Variants in SLC47A1 observed in about 807,000 individuals in gnomAD.
SLC47A1 encodes solute carrier family 47 member 1, also known as multidrug and toxin extrusion protein 1.
In SLC47A1, 58 loss-of-function variants were observed where a neutral mutation model predicts 65.8. The ratio of observed to expected loss-of-function variants is 0.88; its 90% CI spans 0.71 to 1.10. The LOEUF (loss-of-function observed/expected upper bound fraction) is 1.10, where lower values mean the gene tolerates loss of function less well. Ranked by LOEUF, SLC47A1 falls within the 50% of genes least tolerant of loss-of-function variation. The probability of loss-of-function intolerance (pLI) is 0.00; values close to 1 mark genes in which losing one functional copy is unlikely to be tolerated. For synonymous variants in SLC47A1, 285 were observed against 295.0 expected (o/e 0.97, Z 0.35); for missense variants, 706 against 719.2 (o/e 0.98, Z 0.21).
intron 3 of SLC47A1, 108 bp downstream of exon 3, chr17:19,546,611 C>T (rs1916297570): frequency 2.0e-6 from 2 of 1,023,336 alleles, no homozygotes; most frequent in Admixed American, 2.1e-5. Flanking sequence ...ACTTGCAGCA[C>T]CTATCAGCCA....
At chr17:19,544,466 C>T (rs1916234243) in intron 2 of SLC47A1, among the ~76,000 whole-genome samples, 1 of 152,194 alleles carries the variant, frequency 6.6e-6, no homozygotes, top group Non-Finnish European at 1.5e-5. Context: ...CCACAGGTTC[C>T]CTGCTGTAGA....
chr17:19,562,889 C>T (rs1460199776), intron 12 of SLC47A1, among the ~76,000 whole-genome samples: 6 of 152,058 alleles, frequency 3.9e-5, no homozygotes, highest in Non-Finnish European at 7.4e-5. Context: ...AGAGATGAAC[C>T]TCTACCTAAC....
intron 6 of SLC47A1, among the ~76,000 whole-genome samples, chr17:19,553,075 A>G (rs575799186): frequency 6.6e-6 from 1 of 151,916 alleles, no homozygotes; most frequent in African/African-American, 2.4e-5. Context: ...CCCAGGGTGG[A>G]AGGAGTTTCT....
intron 5 of SLC47A1, 37 bp downstream of exon 5, chr17:19,549,714 G>A (rs1403755369): frequency 6.2e-7 from 1 of 1,610,382 alleles, no homozygotes; most frequent in African/African-American, 1.3e-5. Context: ...CCTTCTTGGG[G>A]TCCGTGGGTG....
chr17:19,555,459 G>T lies in SLC47A1; in HGVS notation c.642-134G>T, dbSNP rs1446211772. On this transcript the variant is annotated intron_variant, in intron 7 of 16. Coordinates refer to ENST00000270570, the MANE Select transcript of SLC47A1 (RefSeq NM_018242.3). ...TGGAAAGCACTGTCAGGGATGGAGG[G>T]TGAGGCTGCTCTGGGAAGAAGACCT... The T allele has an allele frequency of 3.9e-6, 5 of 1,284,518 alleles. No individual in the cohort carries two copies. In the East Asian group the frequency reaches 9.2e-5, roughly 24 times the overall value. The allele number at this position is 1,284,518 out of a possible 1,614,324, so 79.6% of individuals were successfully genotyped here.
intron 16 of SLC47A1, among the ~76,000 whole-genome samples, chr17:19,576,892 C>A (rs1207251083): frequency 6.6e-6 from 1 of 152,160 alleles, no homozygotes; most frequent in Non-Finnish European, 1.5e-5. Flanking sequence ...GGATTACAAG[C>A]ATGTGCCACC....
rs769132971 is a variant in SLC47A1 at position 19,567,182 on chromosome 17, C to T, written c.1263C>T (p.Leu421=). 2 of 1,614,166 alleles carry T rather than the reference C, an allele frequency of 1.2e-6. No individual in the cohort carries two copies. Among genetic ancestry groups the T allele is most frequent in the Non-Finnish European group, 1.7e-6 (2 of 1,180,030 alleles). The change falls in exon 14 of 17, where the codon CTC becomes CTT. Residue 421 remains leucine, a synonymous_variant. Coordinates refer to ENST00000270570, the MANE Select transcript of SLC47A1 (RefSeq NM_018242.3). ...CCATTGGGTACTATGTGGTTGGCCT[C>T]CCCATCGGGATCGCGCTGATGTTTG... ...VNTIGYYVVG[L]PIGIALMFAT... is the part of the protein sequence containing the mutation.
intron 16 of SLC47A1, among the ~76,000 whole-genome samples, chr17:19,573,755 T>C (rs2084418049): frequency 6.6e-6 from 1 of 151,992 alleles, no homozygotes; most frequent in South Asian, 2.1e-4. Context: ...CCTGAAAGAA[T>C]GTTGTCTATT....
intron 1 of SLC47A1, 44 bp from the exon 2 acceptor site, chr17:19,542,349 A>G: frequency 1.4e-6 from 2 of 1,479,438 alleles, no homozygotes; most frequent in East Asian, 4.8e-5. Flanking sequence ...GCTTCCCTGC[A>G]ATGGTGGTCA....
intron 10 of SLC47A1, among the ~76,000 whole-genome samples, chr17:19,558,109 A>G (rs1208448834): frequency 6.6e-6 from 1 of 152,186 alleles, no homozygotes; most frequent in Non-Finnish European, 1.5e-5. Context: ...CAAATACTAT[A>G]TCAATACAGT....
At chr17:19,537,066 G>A (rs1597491232) in intron 1 of SLC47A1, among the ~76,000 whole-genome samples, 1 of 152,218 alleles carries the variant, frequency 6.6e-6, no homozygotes, top group Non-Finnish European at 1.5e-5. Flanking sequence ...GCCTCTTCTT[G>A]GTCATCAGCC....
chr17:19,539,102 C>G (rs1188531841), intron 1 of SLC47A1, among the ~76,000 whole-genome samples: 1 of 152,038 alleles, frequency 6.6e-6, no homozygotes, highest in Admixed American at 6.6e-5. Flanking sequence ...GAGACGGGGT[C>G]TCTACAAAAT....
chr17:19,572,655 G>A, intron 15 of SLC47A1, 125 bp from the exon 16 acceptor site: 1 of 806,206 alleles, frequency 1.2e-6, no homozygotes, highest in Non-Finnish European at 2.1e-6. Context: ...ACCTGTGAAT[G>A]AGAGGAACTT....
chr17:19,559,719 G>A (rs997556406), intron 10 of SLC47A1, among the ~76,000 whole-genome samples: 1 of 152,046 alleles, frequency 6.6e-6, no homozygotes, highest in Non-Finnish European at 1.5e-5. Flanking sequence ...TTTTAATAGA[G>A]ATGGGGTTTC....
rs140786876 is a variant in SLC47A1, at chr17:19,543,526, C to A, written c.237+1032C>A. Among the ~76,000 whole-genome samples the A allele has an allele frequency of 4.8e-3, 725 of 152,302 alleles. 4 individuals carry two copies. Among genetic ancestry groups the A allele is most frequent in the Middle Eastern group, 0.014 (4 of 294 alleles). ...CTTCCTCAGAGGAACTGACTCCCCC[C>A]CATGCCCACTCCTCAGTTGTCTGTC... On this transcript the variant is annotated intron_variant, in intron 2 of 16. Coordinates refer to ENST00000270570, the MANE Select transcript of SLC47A1 (RefSeq NM_018242.3).
At position 19,572,790 on chromosome 17, in the gene SLC47A1, A is replaced by G; in HGVS notation, c.1415A>G (p.His472Arg). The change falls in exon 16 of 17, where the codon CAC (histidine) becomes CGC (arginine). Residue 472 changes from histidine to arginine, a missense_variant. Physicochemically the swap from His to Arg is conservative, Grantham distance 29. Coordinates refer to ENST00000270570, the MANE Select transcript of SLC47A1 (RefSeq NM_018242.3). ...WKKACQQAQV[H>R]ANLKVNNVPR... is the part of the protein sequence containing the mutation. ...AGTTTCATTTTCCAGGCTCAGGTACACGCCAATTTGAAAGTAAACAACGTG... is the reference window on the plus strand; with the variant it reads ...AGTTTCATTTTCCAGGCTCAGGTACGCGCCAATTTGAAAGTAAACAACGTG... 1 of 1,614,162 alleles carries G rather than the reference A, an allele frequency of 6.2e-7. No homozygotes were observed.
intron 1 of SLC47A1, among the ~76,000 whole-genome samples, chr17:19,540,038 C>T (rs565905309): frequency 6.6e-6 from 1 of 152,098 alleles, no homozygotes; most frequent in East Asian, 1.9e-4. Flanking sequence ...TGCGGCAGCT[C>T]TCAAAAAAAC....
At chr17:19,545,241 C>T (rs1350606333) in intron 2 of SLC47A1, among the ~76,000 whole-genome samples, 2 of 152,016 alleles carry the variant, frequency 1.3e-5, no homozygotes, top group Non-Finnish European at 2.9e-5. Flanking sequence ...GTTGCCCAGG[C>T]TGGAGTGCAG....
chr17:19,566,941 T>A lies in SLC47A1; in HGVS notation c.1176+82T>A, dbSNP rs955663773. 12 of 1,588,644 alleles carry A rather than the reference T, an allele frequency of 7.6e-6. No individual in the cohort carries two copies. The African/African-American group carries it at 1.3e-4, about 18-fold the overall frequency. ...TTTCAGCTGAGAGGAGGGGCCAGCA[T>A]AGGTAGGAAGATTGAATATTGTTAC... On this transcript the variant is annotated intron_variant, in intron 13 of 16. Transcript: ENST00000270570.
Sources: allele counts gnomAD v4.1 joint callset (sites outside exome capture counted in the v4.1 genomes callset), GRCh38; gene constraint gnomAD v4.1.1; transcripts MANE v1.5; gene names NCBI Gene and HGNC (gene_info 2026-07-23, HGNC 2026-07-21).